Variants in SHISA9 observed in about 807,000 individuals in gnomAD.
SHISA9 encodes the protein protein shisa-9.
Under a neutral mutation model 38.0 loss-of-function variants are expected in SHISA9, and 13 were observed. That is an observed-to-expected ratio of 0.34 (90% CI 0.22 to 0.54). SHISA9 has a LOEUF of 0.54. Ranked by LOEUF, SHISA9 falls within the 20% of genes least tolerant of loss-of-function variation. SHISA9 has a pLI of 0.91. For synonymous variants in SHISA9, 275 were observed against 242.0 expected, an observed-to-expected ratio of 1.14 and a Z score of -1.27; for missense variants, 538 against 575.8, an observed-to-expected ratio of 0.93 and a Z score of 0.67.
intron 2 of SHISA9, among the ~76,000 whole-genome samples, chr16:12,981,662 G>T (rs1282974974): frequency 2.0e-5 from 3 of 152,144 alleles, no homozygotes; most frequent in Admixed American, 1.3e-4. Context: ...GCTGAATTGT[G>T]TCTTCTTGCC....
rs2071645216 is a variant in SHISA9 at position 12,943,330 on chromosome 16, T to TGTGA, written c.691+26516_691+26517insTGAG. Among the ~76,000 whole-genome samples the TGTGA allele has an allele frequency of 1.1e-4, 3 of 27,980 alleles. 1 individual carries two copies. The highest frequency in any genetic ancestry group is 1.4e-3 in the East Asian group (1 of 718). 18.4% of individuals were successfully genotyped at this position (27,980 alleles called of 152,430 possible). A position where few individuals can be genotyped will look rare whatever the true frequency, so the allele number is the denominator to read the frequency against. Reference sequence around the variant, plus strand: ...GTGTGTGTGTGTGTGTGTGTGTGTGTGAGAGAGAGAGAGAGAGAGAGAGAG... The same window carrying TGTGA: ...GTGTGTGTGTGTGTGTGTGTGTGTGTGTGAGAGAGAGAGAGAGAGAGAGAGAGAG... On this transcript the variant is annotated intron_variant, in intron 2 of 4. Coordinates refer to ENST00000558583, the MANE Select transcript of SHISA9 (RefSeq NM_001145204.3).
At chr16:13,391,438 TAGAG>T in the SHISA9 span, among the ~76,000 whole-genome samples, 8 of 152,204 alleles carry the variant, frequency 5.3e-5, no homozygotes, top group African/African-American at 7.2e-5. Context: ...GTTACAGAGT[TAGAG>T]AGAAGAGATA....
intron 2 of SHISA9, among the ~76,000 whole-genome samples, chr16:13,160,646 A>AAG (rs1452577364): frequency 2.0e-5 from 3 of 152,224 alleles, no homozygotes. Context: ...ATCTGATGAG[A>AAG]AAATTTTATT....
the SHISA9 span, among the ~76,000 whole-genome samples, chr16:13,500,381 G>A: frequency 6.6e-6 from 1 of 152,076 alleles, no homozygotes; most frequent in East Asian, 1.9e-4. Flanking sequence ...CTTCATAGCA[G>A]TGTGAGAAAG....
chr16:13,215,329 C>G lies in SHISA9; in HGVS notation c.895+2029C>G, dbSNP rs560665251. 1.2e-3 allele frequency among the ~76,000 whole-genome samples: 179 copies of G among 152,268 alleles called. 1 individual carries two copies. Among genetic ancestry groups the G allele is most frequent in the African/African-American group, 4.1e-3 (172 of 41,540 alleles). On this transcript the variant is annotated intron_variant, in intron 4 of 4. Transcript: ENST00000558583. The stretch of plus-strand genomic sequence containing the variant: ...TGCAGGGAGGAGAGTGCATTCTATT[C>G]CCTCATTGGGAAAGAGAGCTTTACA...
intron 2 of SHISA9, among the ~76,000 whole-genome samples, chr16:12,943,791 C>T (rs897490900): frequency 1.5e-4 from 23 of 152,112 alleles, no homozygotes; most frequent in African/African-American, 5.6e-4. Flanking sequence ...ATGAGGGGCT[C>T]ATCTAATATA....
chr16:12,970,416 T>TACAC lies in SHISA9; in HGVS notation c.691+53603_691+53606dup, dbSNP rs59203908. Among the ~76,000 whole-genome samples, 7 of 38,918 alleles carry TACAC rather than the reference T, an allele frequency of 1.8e-4. No individual in the cohort carries two copies. In the East Asian group the frequency reaches 2.2e-3, roughly 12 times the overall value. 25.5% of individuals were successfully genotyped at this position (38,918 alleles called of 152,430 possible). On this transcript the variant is annotated intron_variant, in intron 2 of 4. Transcript: ENST00000558583. ...ATATATATATATACATATATATATA[T>TACAC]ACACATATATGTATATATATATACA...
chr16:13,136,775 C>T (rs980553865), intron 2 of SHISA9, among the ~76,000 whole-genome samples: 3 of 152,260 alleles, frequency 2.0e-5, no homozygotes, highest in Admixed American at 6.5e-5. Flanking sequence ...ACTGATAAGT[C>T]CACACCATGT....
At chr16:12,994,886 C>G (rs867614408) in intron 2 of SHISA9, among the ~76,000 whole-genome samples, 1 of 152,114 alleles carries the variant, frequency 6.6e-6, no homozygotes, top group Non-Finnish European at 1.5e-5. Flanking sequence ...TCTTGTCAAT[C>G]TGAGATACCT....
At chr16:13,262,610 T>C in the SHISA9 span, among the ~76,000 whole-genome samples, 1 of 136,828 alleles carries the variant, frequency 7.3e-6, no homozygotes, top group South Asian at 2.2e-4. Context: ...GGTGAGTAAG[T>C]TCTCAAAAAA....
At chr16:12,992,741 ACT>A (rs1199507968) in intron 2 of SHISA9, among the ~76,000 whole-genome samples, 1 of 152,048 alleles carries the variant, frequency 6.6e-6, no homozygotes, top group Non-Finnish European at 1.5e-5. Context: ...GACATGTGTC[ACT>A]CTGTCATTTT....
At chr16:13,455,848 G>T in the SHISA9 span, among the ~76,000 whole-genome samples, 1 of 152,114 alleles carries the variant, frequency 6.6e-6, no homozygotes, top group African/African-American at 2.4e-5. Context: ...TTGATATGGA[G>T]CTAGCCACTC....
the SHISA9 span, among the ~76,000 whole-genome samples, chr16:13,353,536 C>T: frequency 2.6e-5 from 4 of 151,574 alleles, no homozygotes; most frequent in African/African-American, 9.7e-5. Flanking sequence ...TAGTTGAGAT[C>T]GGTAAATAGG....
the SHISA9 span, among the ~76,000 whole-genome samples, chr16:13,372,218 G>A: frequency 6.6e-6 from 1 of 152,156 alleles, no homozygotes; most frequent in African/African-American, 2.4e-5. Flanking sequence ...CAGGTGGGTA[G>A]GCACACTACA....
the SHISA9 span, among the ~76,000 whole-genome samples, chr16:13,459,482 G>C: frequency 6.8e-6 from 1 of 146,586 alleles, no homozygotes; most frequent in African/African-American, 2.5e-5. Flanking sequence ...TGCCTGGAAT[G>C]TTCTAGCCTA....
intron 2 of SHISA9, among the ~76,000 whole-genome samples, chr16:13,152,476 A>G (rs924108583): frequency 6.6e-6 from 1 of 152,228 alleles, no homozygotes; most frequent in African/African-American, 2.4e-5. Flanking sequence ...GAATCAGAAG[A>G]TGTTCTAGAG....
At position 12,901,981 on chromosome 16, in the gene SHISA9, C is replaced by A; in HGVS notation, c.-84C>A. On this transcript the variant is annotated 5_prime_UTR_variant, in exon 1 of 5. Transcript: ENST00000558583. Reference sequence around the variant, plus strand: ...GCGGCTCGCAGCTCCCGGCAGCAGCCTCGGCAGCTTCGGCCGCGCCTCGAG... The same window carrying A: ...GCGGCTCGCAGCTCCCGGCAGCAGCATCGGCAGCTTCGGCCGCGCCTCGAG... 8.3e-7 allele frequency: 1 copy of A among 1,209,670 alleles called. No individual in the cohort carries two copies. The highest frequency in any genetic ancestry group is 1.1e-6 in the Non-Finnish European group (1 of 944,490). The allele number at this position is 1,209,670 out of a possible 1,614,324, so 74.9% of individuals were successfully genotyped here.
At chr16:13,268,771 T>C in the SHISA9 span, among the ~76,000 whole-genome samples, 1 of 152,170 alleles carries the variant, frequency 6.6e-6, no homozygotes, top group Non-Finnish European at 1.5e-5. Flanking sequence ...AAAATCAACA[T>C]GCATCCAGAA....
At chr16:13,106,565 T>G (rs1206540527) in intron 2 of SHISA9, among the ~76,000 whole-genome samples, 2 of 152,206 alleles carry the variant, frequency 1.3e-5, no homozygotes, top group Non-Finnish European at 2.9e-5. Context: ...CTGTATATTT[T>G]CAACCGAGGC....
Sources: allele counts gnomAD v4.1 joint callset (sites outside exome capture counted in the v4.1 genomes callset), GRCh38; gene constraint gnomAD v4.1.1; transcripts MANE v1.5; gene names NCBI Gene and HGNC (gene_info 2026-07-23, HGNC 2026-07-21).